Variants in MYT1 observed in about 807,000 individuals in gnomAD.
MYT1 encodes myelin transcription factor 1, also known as myelin transcription factor I.
MYT1 carries 23 observed loss-of-function variants against 123.0 expected under a neutral mutation model. The observed-to-expected ratio is 0.19, with a 90% CI of 0.13 to 0.26. MYT1 has a LOEUF of 0.26. Ranked by LOEUF, MYT1 falls within the 10% of genes least tolerant of loss-of-function variation. The probability of loss-of-function intolerance (pLI) is 1.00; values close to 1 mark genes in which losing one functional copy is unlikely to be tolerated. For missense variants in MYT1, 1,125 were observed against 1,472.5 expected (o/e 0.76, Z 3.86); for synonymous variants, 518 against 575.3 (o/e 0.90, Z 1.43).
At chr20:64,211,514 C>G (rs1983664401) in intron 8 of MYT1, among the ~76,000 whole-genome samples, 174 bp downstream of exon 8, 1 of 152,214 alleles carries the variant, frequency 6.6e-6, no homozygotes, top group South Asian at 2.1e-4. Flanking sequence ...TCCCTCAGCC[C>G]AAACTTGAGC....
At chr20:64,200,095 C>T (rs1983248948) in intron 4 of MYT1, among the ~76,000 whole-genome samples, 173 bp downstream of exon 4, 1 of 152,220 alleles carries the variant, frequency 6.6e-6, no homozygotes. Context: ...ATCTTGGCCC[C>T]ATCTCTATCT....
intron 16 of MYT1, among the ~76,000 whole-genome samples, chr20:64,225,012 C>CTTTTA (rs1984127198): frequency 1.3e-5 from 2 of 152,276 alleles, no homozygotes; most frequent in Non-Finnish European, 2.9e-5. Flanking sequence ...TTAGAAATAA[C>CTTTTA]GACCAAAAGC....
At chr20:64,199,664 G>C (rs1212910929) in intron 3 of MYT1, among the ~76,000 whole-genome samples, 1 of 152,178 alleles carries the variant, frequency 6.6e-6, no homozygotes, top group Non-Finnish European at 1.5e-5. Context: ...AGCTTCTGCG[G>C]CGAGCACCAG....
rs1472886156 is a variant in MYT1, at chr20:64,218,201, G to A, written c.1847-710G>A. On this transcript the variant is annotated intron_variant, in intron 11 of 22. Coordinates refer to ENST00000328439, the MANE Select transcript of MYT1 (RefSeq NM_004535.3). This position sits in a 1 kb window ranked among gnomAD's most constrained non-coding sequence, Gnocchi z 4.0. The stretch of plus-strand genomic sequence containing the variant: ...TGGATGAGGGAATGCAATGGTGCCA[G>A]TGGAGAGGGGGACCTCACGATAAGC... Among the ~76,000 whole-genome samples the A allele has an allele frequency of 6.6e-6, 1 of 152,218 alleles. No homozygotes were observed. The highest frequency in any genetic ancestry group is 2.4e-5 in the African/African-American group (1 of 41,458).
chr20:64,231,216 T>A lies in MYT1; in HGVS notation c.2676-948T>A, dbSNP rs541445563. ...CGGTAATTTGGATGAGTTTCATTTA[T>A]GAAGAGATAAGAATGAGCCTTGCAG... On this transcript the variant is annotated intron_variant, in intron 18 of 22. Transcript: ENST00000328439. The surrounding 1 kb of genome is among the most constrained non-coding windows in gnomAD (Gnocchi z 6.4). 6.6e-6 allele frequency among the ~76,000 whole-genome samples: 1 copy of A among 152,296 alleles called. No individual in the cohort carries two copies. Among genetic ancestry groups the A allele is most frequent in the South Asian group, 2.1e-4 (1 of 4,824 alleles).
intron 13 of MYT1, 33 bp from the exon 14 acceptor site, chr20:64,221,860 C>T (rs200760365): frequency 1.2e-5 from 19 of 1,609,172 alleles, no homozygotes; most frequent in Admixed American, 5.0e-5. Flanking sequence ...CCCCGCCAGC[C>T]GGTTAAAACA....
intron 1 of MYT1, among the ~76,000 whole-genome samples, chr20:64,177,102 T>C (rs1043559372): frequency 6.6e-6 from 1 of 152,240 alleles, no homozygotes; most frequent in Non-Finnish European, 1.5e-5. Context: ...AGAAAGTGTA[T>C]GATGCTGGAA....
chr20:64,225,197 G>A (rs961702847), intron 16 of MYT1, among the ~76,000 whole-genome samples: 5 of 152,110 alleles, frequency 3.3e-5, no homozygotes, highest in Admixed American at 2.6e-4. Flanking sequence ...GTCTCCCCCC[G>A]CCACGTGTCC....
In MYT1 at chr20:64,203,496, C is replaced by G. The variant is rs533240176; in HGVS notation, c.87-1539C>G. Among the ~76,000 whole-genome samples the G allele has an allele frequency of 2.6e-5, 4 of 152,124 alleles. No individual in the cohort carries two copies. Among genetic ancestry groups the G allele is most frequent in the African/African-American group, 9.7e-5 (4 of 41,422 alleles). On this transcript the variant is annotated intron_variant, in intron 4 of 22. Transcript: ENST00000328439. This position sits in a 1 kb window ranked among gnomAD's most constrained non-coding sequence, Gnocchi z 5.1. ...CAGTCGAGTGTGGTGTGCCCTCCCT[C>G]TCTCGCTCTCTCCCTCTTCCTCCCT...
chr20:64,173,418 G>A (rs992642080), intron 1 of MYT1, among the ~76,000 whole-genome samples: 1 of 152,050 alleles, frequency 6.6e-6, no homozygotes, highest in Admixed American at 6.5e-5. Context: ...GGAGCAGGAG[G>A]GAGCCCATAC....
At chr20:64,205,940 G>T in intron 6 of MYT1, 140 bp downstream of exon 6, 1 of 1,374,720 alleles carries the variant, frequency 7.3e-7, no homozygotes, top group South Asian at 1.5e-5. Flanking sequence ...CCCAACATGT[G>T]CTGGGCTTCC....
At chr20:64,198,621 C>T (rs919982599) in intron 2 of MYT1, among the ~76,000 whole-genome samples, 3 of 152,208 alleles carry the variant, frequency 2.0e-5, no homozygotes, top group East Asian at 1.9e-4. Flanking sequence ...TTGCCAAGGC[C>T]GGGGACATGC....
At chr20:64,188,996 G>T (rs1307097233) in intron 1 of MYT1, among the ~76,000 whole-genome samples, 1 of 152,196 alleles carries the variant, frequency 6.6e-6, no homozygotes, top group Non-Finnish European at 1.5e-5. Flanking sequence ...TTTCCTCTGT[G>T]TTTATGCTCT....
intron 17 of MYT1, 73 bp from the exon 18 acceptor site, chr20:64,227,815 A>C: frequency 1.1e-6 from 1 of 918,932 alleles, no homozygotes; most frequent in Non-Finnish European, 1.6e-6. Context: ...TTGAGGGGAG[A>C]GGGTGAGATG....
chr20:64,207,263 C>T (rs562723389), intron 6 of MYT1, among the ~76,000 whole-genome samples: 12 of 152,216 alleles, frequency 7.9e-5, no homozygotes, highest in South Asian at 2.1e-4. Context: ...CCATTGTATA[C>T]AATGCAGGTT....
At chr20:64,205,145 G>A (rs753094090) in intron 5 of MYT1, 48 bp downstream of exon 5, 2 of 1,594,170 alleles carry the variant, frequency 1.3e-6, no homozygotes, top group East Asian at 4.5e-5. Context: ...GGTAGATTTG[G>A]AGCCCCTGCC....
chr20:64,219,734 G>A lies in MYT1; in HGVS notation c.1993G>A (p.Glu665Lys), dbSNP rs143909600. ...PSKSVDIEVDENGTLDLSMHK... is the reference protein window; with the variant it reads ...PSKSVDIEVDKNGTLDLSMHK... ...GCAGTCTGTGGATATCGAGGTAGAC[G>A]AAAATGGAACCCTGGACTTGAGCAT... Residue 665 changes from glutamate (E) to lysine (K), a missense_variant, in exon 13 of 23, where the codon GAA becomes AAA. By Grantham distance (56) the Glu-to-Lys change is moderately conservative (BLOSUM62 1). Coordinates refer to ENST00000328439, the MANE Select transcript of MYT1 (RefSeq NM_004535.3). 1.3e-5 allele frequency: 21 copies of A among 1,612,578 alleles called. No individual in the cohort carries two copies. The highest frequency in any genetic ancestry group is 2.2e-5 in the East Asian group (1 of 44,854).
rs139821952 is a variant in MYT1 at position 64,218,340 on chromosome 20, C to G, written c.1847-571C>G. 5.9e-4 allele frequency among the ~76,000 whole-genome samples: 90 copies of G among 152,342 alleles called. 1 individual carries two copies. The highest frequency in any genetic ancestry group is 2.0e-3 in the African/African-American group (84 of 41,578). On this transcript the variant is annotated intron_variant, in intron 11 of 22. Transcript: ENST00000328439. This position sits in a 1 kb window ranked among gnomAD's most constrained non-coding sequence, Gnocchi z 4.0. ...TACAATTGCTAGAAAAGATAACATT[C>G]TGTGCCTTCATTTGTCATGTTCATT...
chr20:64,201,966 C>T (rs191499256), intron 4 of MYT1, among the ~76,000 whole-genome samples: 13,006 of 107,344 alleles, frequency 0.12, 1,063 homozygotes, highest in South Asian at 0.2. Flanking sequence ...CGGGAACCCC[C>T]GCGTGTCGGG....
Sources: allele counts gnomAD v4.1 joint callset (sites outside exome capture counted in the v4.1 genomes callset), GRCh38; gene constraint gnomAD v4.1.1; non-coding constraint Gnocchi (gnomAD v3.1); transcripts MANE v1.5; gene names NCBI Gene and HGNC (gene_info 2026-07-23, HGNC 2026-07-21).